MERTK: variants seen among roughly 807,000 people sequenced by gnomAD.
MERTK encodes the protein MER proto-oncogene, tyrosine kinase, also known as tyrosine-protein kinase Mer.
In MERTK, 69 loss-of-function variants were observed where a neutral mutation model predicts 99.3. The ratio of observed to expected loss-of-function variants is 0.70; its 90% confidence interval spans 0.57 to 0.85. The LOEUF (loss-of-function observed/expected upper bound fraction) is 0.85. Ranked by LOEUF, MERTK falls within the 40% of genes least tolerant of loss-of-function variation. MERTK has a pLI of 0.00. For synonymous variants in MERTK, 426 were observed against 467.6 expected, an observed-to-expected ratio of 0.91 and a Z score of 1.15; for missense variants, 1,125 against 1,249.4, an observed-to-expected ratio of 0.90 and a Z score of 1.50.
chr2:111,978,449 T>TTTGTTTGTTTG (rs1553454201), intron 7 of MERTK, among the ~76,000 whole-genome samples: 1 of 94,266 alleles, frequency 1.1e-5, no homozygotes, highest in Non-Finnish European at 2.9e-5. Context: ...CCAGCATGTT[T>TTTGTTTGTTTG]TTTGTTTGTT....
chr2:112,012,475 G>A (rs1195144263), intron 15 of MERTK, among the ~76,000 whole-genome samples: 2 of 152,130 alleles, frequency 1.3e-5, no homozygotes, highest in Non-Finnish European at 2.9e-5. Context: ...CAGTTCCCCG[G>A]TGGAGGCTGC....
At position 112,008,365 on chromosome 2, in the gene MERTK, T is replaced by C. The variant is rs367657058; in HGVS notation, c.1868-18T>C. 12 of 1,595,188 alleles carry C rather than the reference T, an allele frequency of 7.5e-6. No individual in the cohort carries two copies. Among genetic ancestry groups the C allele is most frequent in the Non-Finnish European group, 9.5e-6 (11 of 1,162,928 alleles). On this transcript the variant is annotated intron_variant, in intron 13 of 18. Transcript: ENST00000295408. The stretch of plus-strand genomic sequence containing the variant: ...GAGTAAATTATCCATACTTAACCTT[T>C]TCTATTTTCTCCTCTAGTGGACAAC...
intron 18 of MERTK, 183 bp downstream of exon 18, chr2:112,022,577 G>A: frequency 1.1e-6 from 1 of 921,482 alleles, no homozygotes; most frequent in Non-Finnish European, 1.8e-6. Flanking sequence ...GGGAGATAGT[G>A]TGTGGTATCT....
chr2:111,989,117 CT>C (rs1478332403), intron 8 of MERTK, among the ~76,000 whole-genome samples: 2 of 152,144 alleles, frequency 1.3e-5, no homozygotes, highest in Non-Finnish European at 2.9e-5. Context: ...CCAGGCGCCC[CT>C]GGCTTTCTTC....
intron 4 of MERTK, among the ~76,000 whole-genome samples, chr2:111,950,902 A>G (rs1218379811): frequency 6.6e-6 from 1 of 152,168 alleles, no homozygotes; most frequent in Non-Finnish European, 1.5e-5. Context: ...CAATGAATAC[A>G]TTATATCTCT....
chr2:111,971,468 A>G (rs1469486136), intron 6 of MERTK, among the ~76,000 whole-genome samples: 1 of 151,920 alleles, frequency 6.6e-6, no homozygotes, highest in Non-Finnish European at 1.5e-5. Context: ...TTTCCCTGTA[A>G]GCACTGCTTT....
At chr2:112,010,476 G>C (rs763042447) in intron 15 of MERTK, among the ~76,000 whole-genome samples, 1 of 152,144 alleles carries the variant, frequency 6.6e-6, no homozygotes, top group Admixed American at 6.5e-5. Flanking sequence ...AGAAGTGTTG[G>C]TGACCAAGAA....
In MERTK at chr2:112,021,441, G is replaced by A. The variant is rs142721656; in HGVS notation, c.2209G>A (p.Val737Ile). Residue 737 changes from valine (V) to isoleucine (I), a missense_variant, in exon 17 of 19, where the codon GTC (valine) becomes ATC (isoleucine). Physicochemically the swap from Val to Ile is conservative, Grantham distance 29 (BLOSUM62 3). Coordinates refer to ENST00000295408, the MANE Select transcript of MERTK (RefSeq NM_006343.3). ...CTGTAGGTTGCGAGATGACATGACT[G>A]TCTGTGTTGCGGACTTCGGCCTCTC... is the stretch of plus-strand genomic sequence containing the variant. ...RNCMLRDDMT[V>I]CVADFGLSKK... 2.5e-6 allele frequency: 4 copies of A among 1,613,444 alleles called. No homozygotes were observed. The African/African-American group carries it at 5.3e-5, about 22-fold the overall frequency.
chr2:112,020,311 C>A (rs1013827220), intron 16 of MERTK, among the ~76,000 whole-genome samples: 1 of 152,084 alleles, frequency 6.6e-6, no homozygotes, highest in Non-Finnish European at 1.5e-5. Flanking sequence ...CATGAAAACT[C>A]TTTTTCCCTT....
At chr2:112,004,121 A>T in intron 13 of MERTK, 137 bp downstream of exon 13, 1 of 738,560 alleles carries the variant, frequency 1.4e-6, no homozygotes, top group Non-Finnish European at 2.5e-6. Flanking sequence ...ACCAAGGGGG[A>T]CTTACTTTAA....
chr2:112,021,427 G>A lies in MERTK; in HGVS notation c.2195G>A (p.Arg732Gln), dbSNP rs201621067. Residue 732 changes from arginine (R) to glutamine (Q), a missense_variant, in exon 17 of 19, where the codon CGA (arginine) becomes CAA (glutamine). Transcript: ENST00000295408. Reference protein sequence around the residue: ...RDLAARNCMLRDDMTVCVADF... With the variant: ...RDLAARNCMLQDDMTVCVADF... ...ACGTAACCTGCTCTCTGTAGGTTGC[G>A]AGATGACATGACTGTCTGTGTTGCG... 4.5e-5 allele frequency: 72 copies of A among 1,613,112 alleles called. No homozygotes were observed. The highest frequency in any genetic ancestry group is 1.8e-4 in the Admixed American group (11 of 59,994).
chr2:111,998,666 C>A (rs969504238), intron 10 of MERTK, among the ~76,000 whole-genome samples: 1 of 152,142 alleles, frequency 6.6e-6, no homozygotes, highest in African/African-American at 2.4e-5. Flanking sequence ...GAAGAAAGAG[C>A]AGGTATTCAT....
chr2:112,008,189 C>T (rs1460146263), intron 13 of MERTK, among the ~76,000 whole-genome samples, 194 bp from the exon 14 acceptor site: 1 of 152,096 alleles, frequency 6.6e-6, no homozygotes, highest in Non-Finnish European at 1.5e-5. Context: ...CAAAAGTCCC[C>T]TGTGCTTTGC....
intron 4 of MERTK, among the ~76,000 whole-genome samples, chr2:111,953,811 G>A (rs192856979): frequency 3.9e-5 from 6 of 152,190 alleles, no homozygotes; most frequent in African/African-American, 1.2e-4. Context: ...CTGATCTCAG[G>A]TGATCCACCC....
intron 1 of MERTK, among the ~76,000 whole-genome samples, chr2:111,905,137 C>G (rs1400317): frequency 0.97 from 148,443 of 152,328 alleles, 72,448 homozygotes; most frequent in Middle Eastern, 1. Flanking sequence ...CTAGGCCTTA[C>G]TTTTCTCTGT....
At chr2:111,941,386 C>T (rs1367839885) in intron 2 of MERTK, among the ~76,000 whole-genome samples, 2 of 152,132 alleles carry the variant, frequency 1.3e-5, no homozygotes, top group Non-Finnish European at 2.9e-5. Context: ...GGTCTTTTTT[C>T]TCCTACTGTG....
At chr2:112,028,307 T>C in intron 18 of MERTK, 44 bp from the exon 19 acceptor site, 1 of 1,582,102 alleles carries the variant, frequency 6.3e-7, no homozygotes, top group African/African-American at 1.3e-5. Context: ...CACAAAGAGA[T>C]GGGTGCCATG....
chr2:111,973,547 C>G (rs1415605694), intron 6 of MERTK, among the ~76,000 whole-genome samples: 1 of 152,154 alleles, frequency 6.6e-6, no homozygotes, highest in African/African-American at 2.4e-5. Context: ...TTCAAGCACA[C>G]ATAGCCTGAA....
chr2:111,937,243 G>A (rs1684780211), intron 2 of MERTK, among the ~76,000 whole-genome samples: 1 of 151,468 alleles, frequency 6.6e-6, no homozygotes, highest in Non-Finnish European at 1.5e-5. Context: ...CAGGGAGTTC[G>A]AGACCAGCCC....
Sources: gnomAD v4.1 joint callset for allele counts (sites outside exome capture counted in the v4.1 genomes callset) on GRCh38, gnomAD v4.1.1 for gene constraint, MANE v1.5 for transcripts, NCBI Gene and HGNC (gene_info 2026-07-23, HGNC 2026-07-21) for gene names.